RELN: variants seen among roughly 807,000 people sequenced by gnomAD.
RELN encodes reelin.
In RELN, 108 loss-of-function variants were observed where a neutral mutation model predicts 427.6. That is an observed-to-expected ratio of 0.25 (90% CI 0.22 to 0.30). The LOEUF (loss-of-function observed/expected upper bound fraction) is 0.30, where lower values mean the gene tolerates loss of function less well. Among genes scored for constraint, RELN ranks in the 10% least tolerant of loss-of-function variants. The pLI is 1.00. For missense variants in RELN, 3,715 were observed against 4,302.8 expected (o/e 0.86, Z 3.82); for synonymous variants, 1,524 against 1,513.4 (o/e 1.01, Z -0.16).
chr7:103,509,273 A>C (rs561371059), intron 51 of RELN, among the ~76,000 whole-genome samples: 2 of 152,218 alleles, frequency 1.3e-5, no homozygotes, highest in South Asian at 2.1e-4. Context: ...CAACAGTAAC[A>C]AAAACAGCAT....
chr7:103,703,295 GT>G (rs1834132191), intron 8 of RELN, among the ~76,000 whole-genome samples: 1 of 152,164 alleles, frequency 6.6e-6, no homozygotes, highest in South Asian at 2.1e-4. Flanking sequence ...GTAGCTGTAT[GT>G]ATAACTAGGT....
intron 1 of RELN, among the ~76,000 whole-genome samples, chr7:103,929,978 C>T (rs1466026959): frequency 6.6e-6 from 1 of 152,210 alleles, no homozygotes; most frequent in East Asian, 1.9e-4. Flanking sequence ...AAGGAACATG[C>T]AAATAATGAG....
At chr7:103,845,146 A>AT (rs35437668) in intron 2 of RELN, among the ~76,000 whole-genome samples, 101 of 89,862 alleles carry the variant, frequency 1.1e-3, no homozygotes, top group African/African-American at 2.9e-3. Flanking sequence ...TCAAAAAAAA[A>AT]TTTTTTTTTT....
intron 11 of RELN, among the ~76,000 whole-genome samples, chr7:103,662,381 G>A (rs1401842812): frequency 6.6e-6 from 1 of 152,134 alleles, no homozygotes; most frequent in Non-Finnish European, 1.5e-5. Context: ...TAGTACTTTG[G>A]GAAGCCGGGG....
At chr7:103,583,116 G>A (rs1472168680) in intron 28 of RELN, among the ~76,000 whole-genome samples, 2 of 152,122 alleles carry the variant, frequency 1.3e-5, no homozygotes, top group Non-Finnish European at 2.9e-5. Context: ...TTTTTCTAGG[G>A]AGAAAGAAAG....
intron 3 of RELN, among the ~76,000 whole-genome samples, chr7:103,797,726 A>G (rs902522011): frequency 1.3e-5 from 2 of 152,132 alleles, no homozygotes; most frequent in Non-Finnish European, 2.9e-5. Flanking sequence ...TATTACATCA[A>G]TTTTCTTCTG....
intron 3 of RELN, among the ~76,000 whole-genome samples, chr7:103,791,969 T>G (rs1025702535): frequency 3.3e-5 from 5 of 151,978 alleles, no homozygotes; most frequent in Non-Finnish European, 7.4e-5. Flanking sequence ...AATAAACACA[T>G]GAAAAGATGC....
chr7:103,739,647 C>T (rs1790589367), intron 6 of RELN, among the ~76,000 whole-genome samples: 1 of 152,204 alleles, frequency 6.6e-6, no homozygotes, highest in South Asian at 2.1e-4. Context: ...ATTATATTCA[C>T]ATGAAGGGAT....
chr7:103,517,240 C>T (rs1195363836), intron 49 of RELN, among the ~76,000 whole-genome samples: 1 of 148,378 alleles, frequency 6.7e-6, no homozygotes, highest in Non-Finnish European at 1.5e-5. Context: ...ATTGGTTTGA[C>T]ATGTTTACAT....
intron 20 of RELN, among the ~76,000 whole-genome samples, chr7:103,614,362 G>A (rs1371184799): frequency 6.6e-6 from 1 of 152,224 alleles, no homozygotes; most frequent in South Asian, 2.1e-4. Context: ...CATGTGTCCA[G>A]CAGTGGGTTC....
chr7:103,913,751 T>C (rs1795421070), intron 2 of RELN, among the ~76,000 whole-genome samples: 1 of 152,200 alleles, frequency 6.6e-6, no homozygotes, highest in South Asian at 2.1e-4. Context: ...TGCTTTCCAT[T>C]CTAAACATTA....
At chr7:103,722,663 T>TATG (rs1435460250) in intron 8 of RELN, among the ~76,000 whole-genome samples, 1 of 152,202 alleles carries the variant, frequency 6.6e-6, no homozygotes, top group African/African-American at 2.4e-5. Flanking sequence ...CACTGCCAGA[T>TATG]ATGGTCATTG....
intron 1 of RELN, among the ~76,000 whole-genome samples, chr7:103,928,251 C>T (rs1355008205): frequency 6.6e-6 from 1 of 152,144 alleles, no homozygotes; most frequent in Non-Finnish European, 1.5e-5. Flanking sequence ...CTGTAAGTGC[C>T]AATTTGATCA....
chr7:103,520,578 A>G (rs552100130), intron 48 of RELN, among the ~76,000 whole-genome samples: 1 of 152,282 alleles, frequency 6.6e-6, no homozygotes, highest in Non-Finnish European at 1.5e-5. Flanking sequence ...GCCTGTAAAT[A>G]GATGACTATT....
At chr7:103,806,989 G>A (rs1792615894) in intron 3 of RELN, among the ~76,000 whole-genome samples, 1 of 152,142 alleles carries the variant, frequency 6.6e-6, no homozygotes, top group African/African-American at 2.4e-5. Flanking sequence ...GACTAAGGTA[G>A]AGAGACACAT....
intron 11 of RELN, among the ~76,000 whole-genome samples, chr7:103,677,538 G>T (rs1833563559): frequency 6.7e-6 from 1 of 148,822 alleles, no homozygotes; most frequent in African/African-American, 2.5e-5. Context: ...GGCCAAGGCG[G>T]GCAGATCACT....
At chr7:103,483,604 C>T in intron 62 of RELN, 49 bp downstream of exon 62, 1 of 1,585,862 alleles carries the variant, frequency 6.3e-7, no homozygotes, top group Admixed American at 1.7e-5. Flanking sequence ...CCCAGGGATT[C>T]ACAAAGGGAT....
At chr7:103,753,588 A>G (rs375355457) in intron 4 of RELN, among the ~76,000 whole-genome samples, 30 of 152,380 alleles carry the variant, frequency 2.0e-4, no homozygotes, top group African/African-American at 7.2e-4. Context: ...CATATGAACA[A>G]GCCAAATCTG....
chr7:103,586,273 G>A (rs1378625357), intron 28 of RELN, among the ~76,000 whole-genome samples: 4 of 152,130 alleles, frequency 2.6e-5, no homozygotes, highest in African/African-American at 9.7e-5. Context: ...TGAGGCAGGA[G>A]AATTGCTTGA....
Sources: allele counts gnomAD v4.1 joint callset (sites outside exome capture counted in the v4.1 genomes callset), GRCh38; gene constraint gnomAD v4.1.1; transcripts MANE v1.5; gene names NCBI Gene and HGNC (gene_info 2026-07-23, HGNC 2026-07-21).